The following DBF4B variants were observed in gnomAD, a reference collection of about 807,000 sequenced individuals.
DBF4B encodes protein DBF4 homolog B.
Under a neutral mutation model 53.4 loss-of-function variants are expected in DBF4B, and 49 were observed. That is an observed-to-expected ratio of 0.92 (90% confidence interval 0.73 to 1.16). DBF4B has a LOEUF of 1.16. Among genes scored for constraint, DBF4B ranks in the 50% most tolerant of loss-of-function variants. DBF4B has a pLI of 0.00. For synonymous variants in DBF4B, 257 were observed against 288.7 expected, an observed-to-expected ratio of 0.89 and a Z score of 1.11; for missense variants, 692 against 775.0, an observed-to-expected ratio of 0.89 and a Z score of 1.27.
intron 2 of DBF4B, among the ~76,000 whole-genome samples, chr17:44,716,948 T>C (rs987123933): frequency 3.3e-5 from 5 of 152,182 alleles, no homozygotes; most frequent in Non-Finnish European, 5.9e-5. Context: ...CAACATTTTG[T>C]AGCATCTCTT....
At chr17:44,722,743 G>T in intron 2 of DBF4B, 137 bp from the exon 3 acceptor site, 1 of 920,014 alleles carries the variant, frequency 1.1e-6, no homozygotes. Flanking sequence ...AAGGGCATTG[G>T]CTTCACAGCT....
chr17:44,736,330 T>C (rs924364335), intron 7 of DBF4B, among the ~76,000 whole-genome samples: 1 of 152,120 alleles, frequency 6.6e-6, no homozygotes, highest in African/African-American at 2.4e-5. Context: ...GGCTTAAACA[T>C]TGATTTTGAC....
Position 44,708,698 on chromosome 17 carries a change from T to G in DBF4B, c.-123T>G, listed in dbSNP as rs1336976779. ...GCCGCGGCCGAAAACGCCAAGAGATTGATGCTGTAGCTGCCCTGAGATAAC... is the reference window on the plus strand; with the variant it reads ...GCCGCGGCCGAAAACGCCAAGAGATGGATGCTGTAGCTGCCCTGAGATAAC... On this transcript the variant is annotated 5_prime_UTR_variant, in exon 1 of 14. It adds an upstream start codon to the 5' untranslated region. Coordinates refer to ENST00000315005, the MANE Select transcript of DBF4B (RefSeq NM_145663.3). The G allele has an allele frequency of 3.3e-6, 4 of 1,213,562 alleles. No individual in the cohort carries two copies. Among genetic ancestry groups the G allele is most frequent in the Non-Finnish European group, 4.4e-6 (4 of 898,910 alleles). The allele number at this position is 1,213,562 out of a possible 1,614,324, so 75.2% of individuals were successfully genotyped here.
At chr17:44,750,124 C>T (rs923263238) in intron 13 of DBF4B, 3 of 996,980 alleles carry the variant, frequency 3.0e-6, no homozygotes, top group Non-Finnish European at 3.6e-6. Flanking sequence ...AGTGTGTCAC[C>T]TGCCAACTTC....
intron 1 of DBF4B, 113 bp from the exon 2 acceptor site, chr17:44,709,191 T>C (rs758603044): frequency 4.3e-5 from 58 of 1,354,838 alleles, no homozygotes; most frequent in Middle Eastern, 1.8e-4. Flanking sequence ...TGAGTCTTGC[T>C]GTTCCCAGGA....
At chr17:44,750,078 T>C in intron 13 of DBF4B, 1 of 998,918 alleles carries the variant, frequency 1.0e-6, no homozygotes, top group Non-Finnish European at 1.2e-6. Flanking sequence ...CTCCTCAGCT[T>C]GAGCTGCCTG....
intron 4 of DBF4B, among the ~76,000 whole-genome samples, chr17:44,730,718 T>C (rs1268426342): frequency 6.6e-6 from 1 of 152,156 alleles, no homozygotes; most frequent in African/African-American, 2.4e-5. Context: ...TCTCAGTGAA[T>C]TCAGAGTGCC....
In DBF4B at chr17:44,718,465, C is replaced by T. The variant is rs189241716; in HGVS notation, c.83-4415C>T. Among the ~76,000 whole-genome samples the T allele has an allele frequency of 3.3e-3, 489 of 149,996 alleles. 3 individuals are homozygous for T. The highest frequency in any genetic ancestry group is 0.011 in the African/African-American group (460 of 41,050). ...GGTTACATATTGCCTTTAATTATAT[C>T]TCGTTAGTCTCCTCCTGAGAGGAGG... On this transcript the variant is annotated intron_variant, in intron 2 of 13. Coordinates refer to ENST00000315005, the MANE Select transcript of DBF4B (RefSeq NM_145663.3).
intron 2 of DBF4B, among the ~76,000 whole-genome samples, chr17:44,711,843 G>A (rs1248660717): frequency 6.6e-6 from 1 of 152,024 alleles, no homozygotes; most frequent in African/African-American, 2.4e-5. Context: ...GGCTGAGGCA[G>A]GAGAATGGCG....
rs181111270 is a variant in DBF4B, at chr17:44,747,003, G to T, written c.831-80G>T. ...CTTGGTCCTTCCCCTCCCTGACCTA[G>T]GCTCCAGGCTCTAAGTAGTGGCTCC... On this transcript the variant is annotated intron_variant, in intron 10 of 13. Coordinates refer to ENST00000315005, the MANE Select transcript of DBF4B (RefSeq NM_145663.3). 7.5e-4 allele frequency: 1,012 copies of T among 1,347,674 alleles called. 3 individuals are homozygous for T. Among genetic ancestry groups the T allele is most frequent in the Middle Eastern group, 6.4e-3 (35 of 5,498 alleles). The allele number at this position is 1,347,674 out of a possible 1,614,324, so 83.5% of individuals were successfully genotyped here. A position where few individuals can be genotyped will look rare whatever the true frequency, so the allele number is the denominator to read the frequency against.
At chr17:44,740,322 C>G (rs1975876588) in intron 9 of DBF4B, among the ~76,000 whole-genome samples, 1 of 152,230 alleles carries the variant, frequency 6.6e-6, no homozygotes. Flanking sequence ...TCCCCCAGAA[C>G]ATGGACCATT....
chr17:44,709,193 T>A, intron 1 of DBF4B, 111 bp from the exon 2 acceptor site: 1 of 1,376,880 alleles, frequency 7.3e-7, no homozygotes, highest in Non-Finnish European at 1.0e-6. Flanking sequence ...AGTCTTGCTG[T>A]TCCCAGGAGT....
At chr17:44,716,568 C>CT (rs1253463768) in intron 2 of DBF4B, among the ~76,000 whole-genome samples, 11 of 152,138 alleles carry the variant, frequency 7.2e-5, no homozygotes, top group African/African-American at 2.7e-4. Flanking sequence ...TTGTCCTGTG[C>CT]TTTGTAAGAT....
rs1050406758 is a variant in DBF4B at position 44,749,836 on chromosome 17, G to A, written c.1190-759G>A. The stretch of plus-strand genomic sequence containing the variant: ...CCCCAACCCCGGCCTCCTTTCTCAC[G>A]AGCATGTGGCCGCTCCTGCTTTCCA... On this transcript the variant is annotated intron_variant, in intron 13 of 13. Coordinates refer to ENST00000315005, the MANE Select transcript of DBF4B (RefSeq NM_145663.3). This position sits in a 1 kb window ranked among gnomAD's most constrained non-coding sequence, Gnocchi z 4.4. The A allele has an allele frequency of 2.9e-6, 3 of 1,030,812 alleles. No individual in the cohort carries two copies. Among genetic ancestry groups the A allele is most frequent in the Non-Finnish European group, 3.5e-6 (3 of 857,222 alleles). The allele number at this position is 1,030,812 out of a possible 1,614,324, so 63.9% of individuals were successfully genotyped here. A position where few individuals can be genotyped will look rare whatever the true frequency, so the allele number is the denominator to read the frequency against.
chr17:44,747,303 GC>G (rs2049130227), intron 11 of DBF4B, 87 bp from the exon 12 acceptor site: 1 of 1,598,110 alleles, frequency 6.3e-7, no homozygotes, highest in African/African-American at 1.3e-5. Flanking sequence ...GTCCTCCAGG[GC>G]CAGAGCATGG....
chr17:44,724,527 A>G (rs747389413), intron 3 of DBF4B, among the ~76,000 whole-genome samples: 24 of 152,246 alleles, frequency 1.6e-4, no homozygotes, highest in Non-Finnish European at 2.8e-4. Context: ...ACAGGCGCCT[A>G]TCACCACGCC....
chr17:44,722,235 A>AACACACACACACACACACACACACACAC (rs372541456), intron 2 of DBF4B, among the ~76,000 whole-genome samples: 1 of 151,462 alleles, frequency 6.6e-6, no homozygotes, highest in Admixed American at 6.6e-5. Flanking sequence ...TGTGCTCTCC[A>AACACACACACACACACACACACACACAC]ACACACACAC....
chr17:44,743,821 A>G lies in DBF4B; in HGVS notation c.830+2369A>G, dbSNP rs1394468417. On this transcript the variant is annotated intron_variant, in intron 10 of 13. Transcript: ENST00000315005. ...AGATGGGGTTTCACTATGTTGGCCA[A>G]CTGGTCTTGAACTCCTGACCTCGTG... Among the ~76,000 whole-genome samples, 5 of 151,322 alleles carry G rather than the reference A, an allele frequency of 3.3e-5. No homozygotes were observed. The East Asian group carries it at 1.0e-3, about 30-fold the overall frequency.
Position 44,747,154 on chromosome 17 carries a change from G to A in DBF4B, c.902G>A (p.Cys301Tyr), listed in dbSNP as rs776093221. ...ATGCCCAGGAGGAAGAAAGGCTACTGCGAGTGCTGTCAGGAGGCCTTCGAG... is the reference window on the plus strand; with the variant it reads ...ATGCCCAGGAGGAAGAAAGGCTACTACGAGTGCTGTCAGGAGGCCTTCGAG... ...HTMPRRKKGY[C>Y]ECCQEAFEEL... The change falls in exon 11 of 14, where the codon TGC (cysteine) becomes TAC (tyrosine). Residue 301 changes from cysteine (C) to tyrosine (Y), a missense_variant. Physicochemically the swap from Cys to Tyr is radical, Grantham distance 194. Transcript: ENST00000315005. 1 of 1,614,238 alleles carries A rather than the reference G, an allele frequency of 6.2e-7. No individual in the cohort carries two copies. Among genetic ancestry groups the A allele is most frequent in the Non-Finnish European group, 8.5e-7 (1 of 1,180,036 alleles).
Sources: allele counts gnomAD v4.1 joint callset (sites outside exome capture counted in the v4.1 genomes callset), GRCh38; gene constraint gnomAD v4.1.1; non-coding constraint Gnocchi (gnomAD v3.1); transcripts MANE v1.5; gene names NCBI Gene and HGNC (gene_info 2026-07-23, HGNC 2026-07-21).